Variants in KCNH7 observed in about 807,000 individuals in gnomAD.
KCNH7 encodes potassium voltage-gated channel subfamily H member 7.
In KCNH7, 49 loss-of-function variants were observed where a neutral mutation model predicts 120.8. The observed-to-expected ratio is 0.41, with a 90% CI of 0.32 to 0.51. The LOEUF (loss-of-function observed/expected upper bound fraction) is 0.51, where lower values mean the gene tolerates loss of function less well. Among genes scored for constraint, KCNH7 ranks in the 20% least tolerant of loss-of-function variants. The probability of loss-of-function intolerance (pLI) is 0.38; values close to 1 mark genes in which losing one functional copy is unlikely to be tolerated. For synonymous variants in KCNH7, 547 were observed against 516.1 expected, an observed-to-expected ratio of 1.06 and a Z score of -0.81; for missense variants, 1,097 against 1,446.6, an observed-to-expected ratio of 0.76 and a Z score of 3.92.
At chr2:162,484,285 A>G (rs1339229962) in intron 6 of KCNH7, among the ~76,000 whole-genome samples, 1 of 151,936 alleles carries the variant, frequency 6.6e-6, no homozygotes, top group African/African-American at 2.4e-5. Context: ...GAGAAAGCCA[A>G]TATATAAAGC....
intron 13 of KCNH7, among the ~76,000 whole-genome samples, chr2:162,383,633 C>G (rs1573896426): frequency 6.6e-6 from 1 of 151,908 alleles, no homozygotes; most frequent in African/African-American, 2.4e-5. Flanking sequence ...ATTTTGCTAT[C>G]CTACCAGGCC....
rs148280304 is a variant in KCNH7, at chr2:162,604,992, G to A, written c.308-67912C>T. Among the ~76,000 whole-genome samples, 1,167 of 152,030 alleles carry A rather than the reference G, an allele frequency of 7.7e-3. 16 individuals are homozygous for A. Among genetic ancestry groups the A allele is most frequent in the African/African-American group, 0.027 (1,102 of 41,490 alleles). ...TGTATTCAACATTAATAGTACATTA[G>A]GGAAAATAACTTCAAATGCTTATTA... is the stretch of plus-strand genomic sequence containing the variant. On this transcript the variant is annotated intron_variant, in intron 2 of 15. Transcript: ENST00000332142.
At chr2:162,525,627 TTTC>T (rs1310203660) in intron 3 of KCNH7, among the ~76,000 whole-genome samples, 3 of 152,104 alleles carry the variant, frequency 2.0e-5, no homozygotes, top group Admixed American at 2.0e-4. Flanking sequence ...TTTTGATAGA[TTTC>T]TTCATTTTGT....
intron 7 of KCNH7, among the ~76,000 whole-genome samples, chr2:162,442,100 A>ACTG (rs1406976875): frequency 7.7e-6 from 1 of 130,106 alleles, no homozygotes; most frequent in Non-Finnish European, 1.5e-5. Context: ...ATCTCTGCTC[A>ACTG]CTGCAAGCTC....
At chr2:162,398,312 A>C (rs542623076) in intron 10 of KCNH7, among the ~76,000 whole-genome samples, 1 of 152,026 alleles carries the variant, frequency 6.6e-6, no homozygotes, top group Admixed American at 6.6e-5. Flanking sequence ...AAAATGCTAT[A>C]ATATTCTTGT....
chr2:162,380,167 G>T, intron 13 of KCNH7, 146 bp from the exon 14 acceptor site: 1 of 888,172 alleles, frequency 1.1e-6, no homozygotes, highest in Non-Finnish European at 1.7e-6. Flanking sequence ...GTGTCCAGGG[G>T]CCACGGCCAG....
intron 2 of KCNH7, among the ~76,000 whole-genome samples, chr2:162,744,177 GC>G (rs1267789884): frequency 6.6e-6 from 1 of 152,098 alleles, no homozygotes; most frequent in Non-Finnish European, 1.5e-5. Context: ...TGACAAACAT[GC>G]CTGACTACTT....
intron 6 of KCNH7, among the ~76,000 whole-genome samples, chr2:162,485,579 G>A (rs1470227976): frequency 6.6e-6 from 1 of 152,128 alleles, no homozygotes; most frequent in Non-Finnish European, 1.5e-5. Flanking sequence ...ATATAGGAAG[G>A]GAAGAGAAGT....
chr2:162,665,282 T>C (rs2105285562), intron 2 of KCNH7, among the ~76,000 whole-genome samples: 2 of 152,158 alleles, frequency 1.3e-5, no homozygotes, highest in South Asian at 4.1e-4. Context: ...CACTATTGAG[T>C]GTAAAAAGCA....
chr2:162,576,483 T>G (rs2105908412), intron 2 of KCNH7, among the ~76,000 whole-genome samples: 1 of 150,486 alleles, frequency 6.6e-6, no homozygotes, highest in Middle Eastern at 3.4e-3. Context: ...GAATGTTTTC[T>G]TTTAAGGCAG....
At chr2:162,773,515 T>G (rs1683134601) in intron 2 of KCNH7, among the ~76,000 whole-genome samples, 1 of 152,010 alleles carries the variant, frequency 6.6e-6, no homozygotes, top group African/African-American at 2.4e-5. Context: ...AAAACTTATG[T>G]CTTGCCAACT....
At chr2:162,792,392 A>T (rs1035749656) in intron 2 of KCNH7, among the ~76,000 whole-genome samples, 3 of 151,988 alleles carry the variant, frequency 2.0e-5, no homozygotes, top group Non-Finnish European at 4.4e-5. Context: ...GGCAGAATTC[A>T]TTTGTGAATC....
rs775312379 is a variant in KCNH7, at chr2:162,400,193, A to T, written c.2403T>A (p.Ile801=). ...ATGCACTTCTAAAACACTCACCCAG[A>T]ATAGCCACCACAATGTCATCTTTGA... The part of the protein sequence containing the change: ...EILKDDIVVA[I]LGKNDIFGEM... The change falls in exon 10 of 16, where the codon ATT becomes ATA. Residue 801 remains isoleucine, a synonymous_variant. Coordinates refer to ENST00000332142, the MANE Select transcript of KCNH7 (RefSeq NM_033272.4). The T allele has an allele frequency of 1.2e-6, 2 of 1,611,862 alleles. No individual in the cohort carries two copies. The highest frequency in any genetic ancestry group is 1.7e-6 in the Non-Finnish European group (2 of 1,178,556).
intron 2 of KCNH7, among the ~76,000 whole-genome samples, chr2:162,693,608 G>C (rs1686190164): frequency 6.6e-6 from 1 of 152,198 alleles, no homozygotes; most frequent in Admixed American, 6.5e-5. Context: ...AATCAGAATA[G>C]TTAAGGAAGA....
At chr2:162,571,777 G>C (rs1337773081) in intron 2 of KCNH7, among the ~76,000 whole-genome samples, 3 of 143,900 alleles carry the variant, frequency 2.1e-5, no homozygotes, top group Non-Finnish European at 1.5e-5. Flanking sequence ...ACAAACCTGA[G>C]AAAAACAAGC....
At chr2:162,834,782 A>G (rs949179316) in intron 2 of KCNH7, among the ~76,000 whole-genome samples, 1 of 152,084 alleles carries the variant, frequency 6.6e-6, no homozygotes, top group Non-Finnish European at 1.5e-5. Context: ...GTAATAGATA[A>G]CTCCTACTTG....
rs1430600760 is a variant in KCNH7 at position 162,788,286 on chromosome 2, C to A, written c.307+48251G>T. Among the ~76,000 whole-genome samples, 3 of 152,190 alleles carry A rather than the reference C, an allele frequency of 2.0e-5. No individual in the cohort carries two copies. The East Asian group carries it at 5.8e-4, about 29-fold the overall frequency. ...TTATGATAGTTTTACCAGGACATAA[C>A]CCCATCATAAGTTGAGAACCATCTG... On this transcript the variant is annotated intron_variant, in intron 2 of 15. Transcript: ENST00000332142.
intron 2 of KCNH7, among the ~76,000 whole-genome samples, chr2:162,712,805 G>A (rs1319052580): frequency 6.6e-6 from 1 of 152,150 alleles, no homozygotes; most frequent in Non-Finnish European, 1.5e-5. Flanking sequence ...CAAGCCACTT[G>A]TCAGAGCAGT....
At chr2:162,571,912 C>G (rs2105900231) in intron 2 of KCNH7, among the ~76,000 whole-genome samples, 1 of 152,062 alleles carries the variant, frequency 6.6e-6, no homozygotes, top group African/African-American at 2.4e-5. Flanking sequence ...AGATTAAAGA[C>G]TTAAACGTTA....
Sources: gnomAD v4.1 joint callset for allele counts (sites outside exome capture counted in the v4.1 genomes callset) on GRCh38, gnomAD v4.1.1 for gene constraint, MANE v1.5 for transcripts, NCBI Gene and HGNC (gene_info 2026-07-23, HGNC 2026-07-21) for gene names.